The following MLKL variants were observed in gnomAD, a reference collection of about 807,000 sequenced individuals.
MLKL encodes the protein mixed lineage kinase domain-like protein.
In MLKL, 55 loss-of-function variants were observed where a neutral mutation model predicts 56.5. The ratio of observed to expected loss-of-function variants is 0.97; its 90% CI spans 0.78 to 1.22. MLKL has a LOEUF of 1.22. Among genes scored for constraint, MLKL ranks in the 50% most tolerant of loss-of-function variants. The pLI is 0.00. For missense variants in MLKL, 694 were observed against 573.9 expected (o/e 1.21, Z -2.14); for synonymous variants, 251 against 208.3 (o/e 1.20, Z -1.76).
intron 4 of MLKL, among the ~76,000 whole-genome samples, chr16:74,689,312 C>T (rs1340845424): frequency 6.6e-6 from 1 of 151,976 alleles, no homozygotes; most frequent in Non-Finnish European, 1.5e-5. Context: ...GACGGGGTTT[C>T]ACCATGTTGG....
intron 1 of MLKL, among the ~76,000 whole-genome samples, chr16:74,699,750 C>G (rs571546245): frequency 1.3e-5 from 2 of 152,200 alleles, no homozygotes; most frequent in South Asian, 4.1e-4. Flanking sequence ...GCCTGGGTGA[C>G]AAAGCGAGAC....
At chr16:74,685,669 G>T in intron 4 of MLKL, 86 bp from the exon 5 acceptor site, 1 of 1,011,346 alleles carries the variant, frequency 9.9e-7, no homozygotes, top group Non-Finnish European at 1.5e-6. Context: ...CTGTGTATGT[G>T]GGGGCGGGGG....
intron 4 of MLKL, among the ~76,000 whole-genome samples, chr16:74,686,945 T>C (rs915930101): frequency 1.3e-5 from 2 of 152,248 alleles, no homozygotes; most frequent in Non-Finnish European, 2.9e-5. Context: ...GAAAATTTTG[T>C]ACCTAAATTG....
intron 2 of MLKL, among the ~76,000 whole-genome samples, chr16:74,693,492 A>AGAAAGAAG (rs1339107020): frequency 8.0e-5 from 12 of 150,778 alleles, no homozygotes; most frequent in Non-Finnish European, 1.5e-4. Flanking sequence ...AAAGAAAGAA[A>AGAAAGAAG]GAAAGAAAAG....
At chr16:74,692,550 G>T in intron 2 of MLKL, 134 bp from the exon 3 acceptor site, 1 of 654,844 alleles carries the variant, frequency 1.5e-6, no homozygotes, top group Non-Finnish European at 2.5e-6. Flanking sequence ...GATTACTACT[G>T]ATCACCAATA....
chr16:74,675,081 G>A lies in MLKL; in HGVS notation c.1260C>T (p.Ile420=). 6.2e-7 allele frequency: 1 copy of A among 1,614,150 alleles called. No homozygotes were observed. Among genetic ancestry groups the A allele is most frequent in the Non-Finnish European group, 8.5e-7 (1 of 1,180,030 alleles). Residue 420 remains isoleucine (I), a synonymous_variant, in exon 10 of 11, where the codon ATC becomes ATT. Coordinates refer to ENST00000308807, the MANE Select transcript of MLKL (RefSeq NM_152649.4). ...GCCGCTTCACAGCCACCAGCTTGCG[G>A]ATCTTCTCAGAATTACAGCCTGGAA... is the stretch of plus-strand genomic sequence containing the variant. ...IPFQGCNSEK[I]RKLVAVKRQQ...
Position 74,675,335 on chromosome 16 carries a change from C to T in MLKL, c.1240+20G>A, listed in dbSNP as rs144526386. Reference sequence around the variant, plus strand: ...GGACCCAACCTCACCACTGGCTGAGCCAGTCTTCACATTCTTCACCTTGAA... The same window carrying T: ...GGACCCAACCTCACCACTGGCTGAGTCAGTCTTCACATTCTTCACCTTGAA... On this transcript the variant is annotated intron_variant, in intron 9 of 10. Transcript: ENST00000308807. 6.2e-7 allele frequency: 1 copy of T among 1,614,144 alleles called. No individual in the cohort carries two copies. The highest frequency in any genetic ancestry group is 1.7e-5 in the Admixed American group (1 of 60,014).
At chr16:74,676,620 A>C (rs1320713906) in intron 7 of MLKL, 1 of 322,046 alleles carries the variant, frequency 3.1e-6, no homozygotes, top group Admixed American at 6.5e-5. Context: ...AGAGTAGTAG[A>C]AACAGTGTTT....
chr16:74,674,926 G>C, intron 10 of MLKL, 34 bp downstream of exon 10: 1 of 1,588,564 alleles, frequency 6.3e-7, no homozygotes, highest in Non-Finnish European at 8.6e-7. Flanking sequence ...AATAATGATG[G>C]GGCTCACGCT....
At chr16:74,675,968 C>A in intron 7 of MLKL, 1 of 587,866 alleles carries the variant, frequency 1.7e-6, no homozygotes, top group South Asian at 2.4e-5. Context: ...AAGAGAAACA[C>A]AAAGAGATTT....
intron 1 of MLKL, among the ~76,000 whole-genome samples, chr16:74,698,917 C>T (rs1361269506): frequency 3.9e-5 from 6 of 151,994 alleles, no homozygotes; most frequent in Non-Finnish European, 7.4e-5. Context: ...AGTTTGAGAT[C>T]GCCCGGCCAA....
chr16:74,685,698 G>T, intron 4 of MLKL, 115 bp from the exon 5 acceptor site: 1 of 754,858 alleles, frequency 1.3e-6, no homozygotes, highest in Non-Finnish European at 2.3e-6. Context: ...TCTGGGGTGA[G>T]AACTGGTGCC....
intron 7 of MLKL, chr16:74,676,583 T>G: frequency 1.8e-6 from 1 of 552,200 alleles, no homozygotes; most frequent in Non-Finnish European, 2.3e-6. Flanking sequence ...ATAGCGCATC[T>G]TATAGTCAGG....
intron 7 of MLKL, 104 bp downstream of exon 7, chr16:74,678,795 A>G: frequency 1.2e-6 from 1 of 832,320 alleles, no homozygotes; most frequent in South Asian, 1.6e-5. Flanking sequence ...ATAAATAAAT[A>G]AATAAACTAA....
chr16:74,682,742 C>G lies in MLKL; in HGVS notation c.865G>C (p.Gly289Arg), dbSNP rs150170082. 1.9e-6 allele frequency: 3 copies of G among 1,613,958 alleles called. No individual in the cohort carries two copies. Among genetic ancestry groups the G allele is most frequent in the Admixed American group, 1.7e-5 (1 of 59,966 alleles). Residue 289 changes from glycine to arginine, a missense_variant, in exon 6 of 11, where the codon GGG (glycine) becomes CGG (arginine). Transcript: ENST00000308807. ...CTATCCAACAGCTCCCTCAGGGTCCCGAGTTCACAGTACTCCATGACAATG... is the reference window on the plus strand; with the variant it reads ...CTATCCAACAGCTCCCTCAGGGTCCGGAGTTCACAGTACTCCATGACAATG... ...FSIVMEYCEL[G>R]TLRELLDREK...
intron 1 of MLKL, among the ~76,000 whole-genome samples, chr16:74,696,814 T>C (rs181567025): frequency 0.013 from 1,934 of 150,256 alleles, 22 homozygotes; most frequent in South Asian, 0.029. Context: ...AAAAATTAGC[T>C]AGGTGTGGTG....
intron 6 of MLKL, 29 bp downstream of exon 6, chr16:74,682,622 C>T: frequency 6.2e-7 from 1 of 1,612,378 alleles, no homozygotes; most frequent in African/African-American, 1.3e-5. Flanking sequence ...CCATCCAACC[C>T]TTAGTGGCGC....
At chr16:74,674,491 C>G (rs905852531) in intron 10 of MLKL, among the ~76,000 whole-genome samples, 1 of 151,334 alleles carries the variant, frequency 6.6e-6, no homozygotes. Flanking sequence ...GTTTTGTCAC[C>G]CAGGCTGGAG....
chr16:74,678,480 C>A, intron 7 of MLKL: 1 of 166,974 alleles, frequency 6.0e-6, no homozygotes, highest in Non-Finnish European at 1.3e-5. Flanking sequence ...TAAAATTGAA[C>A]TCAGTTCTAA....
Sources: allele counts gnomAD v4.1 joint callset (sites outside exome capture counted in the v4.1 genomes callset), GRCh38; gene constraint gnomAD v4.1.1; transcripts MANE v1.5; gene names NCBI Gene and HGNC (gene_info 2026-07-23, HGNC 2026-07-21).